USP10: variants seen among roughly 807,000 people sequenced by gnomAD.
USP10 encodes the protein ubiquitin carboxyl-terminal hydrolase 10.
Under a neutral mutation model 84.5 loss-of-function variants are expected in USP10, and 22 were observed. That is an observed-to-expected ratio of 0.26 (90% confidence interval 0.19 to 0.37). The LOEUF (loss-of-function observed/expected upper bound fraction) is 0.37. Ranked by LOEUF, USP10 falls within the 10% of genes least tolerant of loss-of-function variation. USP10 has a pLI of 1.00. For synonymous variants in USP10, 454 were observed against 387.6 expected (o/e 1.17, Z -2.01); for missense variants, 1,019 against 998.9 (o/e 1.02, Z -0.27).
chr16:84,730,260 G>A (rs1390104064), intron 1 of USP10, among the ~76,000 whole-genome samples: 1 of 151,762 alleles, frequency 6.6e-6, no homozygotes, highest in African/African-American at 2.4e-5. Flanking sequence ...TTATTATATA[G>A]CAACACAGAT....
At chr16:84,701,934 C>CTTTTT (rs749796171) in intron 1 of USP10, among the ~76,000 whole-genome samples, 2 of 92,702 alleles carry the variant, frequency 2.2e-5, no homozygotes, top group East Asian at 2.8e-4. Flanking sequence ...TAATTTTCTT[C>CTTTTT]TTCTTTTTTT....
intron 10 of USP10, among the ~76,000 whole-genome samples, chr16:84,766,640 A>C (rs547815228): frequency 6.6e-6 from 1 of 152,312 alleles, no homozygotes; most frequent in South Asian, 2.1e-4. Context: ...AGCATACTCA[A>C]AGATCCCAAA....
In USP10 at chr16:84,745,278, G is replaced by A. The variant is rs1363853120; in HGVS notation, c.797G>A (p.Arg266Lys). ...PAEAGRDTLS[R>K]TAGAQPCVGT... is the part of the protein sequence containing the mutation. ...GAGGCTGGCAGAGACACCCTGTCAA[G>A]GACAGCTGGGGCTCAGCCCTGCGTT... The change falls in exon 4 of 14, where the codon AGG (arginine) becomes AAG (lysine). Residue 266 changes from arginine (R) to lysine (K), a missense_variant. Transcript: ENST00000219473. 1.2e-6 allele frequency: 2 copies of A among 1,613,192 alleles called. No individual in the cohort carries two copies. Among genetic ancestry groups the A allele is most frequent in the African/African-American group, 1.3e-5 (1 of 74,920 alleles).
intron 1 of USP10, among the ~76,000 whole-genome samples, chr16:84,714,754 C>T (rs1597283159): frequency 1.3e-5 from 2 of 151,820 alleles, no homozygotes; most frequent in East Asian, 3.9e-4. Flanking sequence ...GTCCTTAATT[C>T]ATTGATTATT....
At chr16:84,725,712 G>A (rs561826097) in intron 1 of USP10, among the ~76,000 whole-genome samples, 1 of 152,202 alleles carries the variant, frequency 6.6e-6, no homozygotes, top group East Asian at 1.9e-4. Context: ...CCTGTCTGAC[G>A]ACATTTTCAA....
At chr16:84,766,476 C>G (rs1056910552) in intron 10 of USP10, among the ~76,000 whole-genome samples, 1 of 152,154 alleles carries the variant, frequency 6.6e-6, no homozygotes, top group Admixed American at 6.5e-5. Context: ...AAGGCTGTGC[C>G]CTTTGCTCCT....
chr16:84,701,500 CT>C lies in USP10; in HGVS notation c.21+1395del, dbSNP rs1169011779. ...GTTAAAAAAAAAGATTTGATATTTGCTTTTTTCTCAACTTAAATCCTAATTA... is the reference window on the plus strand; with the variant it reads ...GTTAAAAAAAAAGATTTGATATTTGCTTTTTCTCAACTTAAATCCTAATTA... On this transcript the variant is annotated intron_variant, in intron 1 of 13. Transcript: ENST00000219473. 2.0e-5 allele frequency among the ~76,000 whole-genome samples: 3 copies of C among 152,096 alleles called. No individual in the cohort carries two copies. The East Asian group carries it at 5.8e-4, about 29-fold the overall frequency.
In USP10 at chr16:84,779,116, G is replaced by T. The variant is rs117186215; in HGVS notation, c.*34G>T. 21 of 1,583,954 alleles carry T rather than the reference G, an allele frequency of 1.3e-5. No individual in the cohort carries two copies. The highest frequency in any genetic ancestry group is 1.7e-5 in the Non-Finnish European group (20 of 1,158,688). On this transcript the variant is annotated 3_prime_UTR_variant, in exon 14 of 14. Transcript: ENST00000219473. ...TGCGCTGTGTGTGCGCCCAGTGCCC[G>T]CTTCGTAGGACACCACCTCACACTC...
intron 3 of USP10, among the ~76,000 whole-genome samples, chr16:84,743,352 C>T (rs1016749145): frequency 1.6e-4 from 25 of 152,140 alleles, no homozygotes; most frequent in East Asian, 1.9e-4. Flanking sequence ...CTAAAGCATA[C>T]GAAGATTCAG....
At chr16:84,731,016 T>C (rs1241022665) in intron 1 of USP10, among the ~76,000 whole-genome samples, 7 of 147,122 alleles carry the variant, frequency 4.8e-5, no homozygotes, top group Non-Finnish European at 1.0e-4. Flanking sequence ...AATCTCTCTC[T>C]GTCAGCAGGC....
chr16:84,700,530 C>T (rs1229562376), intron 1 of USP10, among the ~76,000 whole-genome samples: 2 of 152,216 alleles, frequency 1.3e-5, no homozygotes, highest in East Asian at 3.9e-4. Flanking sequence ...GTTGCTGCCT[C>T]TGCCTGGAGC....
At chr16:84,729,630 C>T (rs1420730400) in intron 1 of USP10, among the ~76,000 whole-genome samples, 1 of 152,226 alleles carries the variant, frequency 6.6e-6, no homozygotes, top group Non-Finnish European at 1.5e-5. Flanking sequence ...GCACTGACTT[C>T]TTAGCCCGTT....
rs7206900 is a variant in USP10, at chr16:84,756,080, C to G, written c.1193-2636C>G. On this transcript the variant is annotated intron_variant, in intron 4 of 13. Transcript: ENST00000219473. Reference sequence around the variant, plus strand: ...GCAGCCCTTGGATTGGGCTAAGCATCCTTCCCCACCCCCCGCCCCCCATCT... The same window carrying G: ...GCAGCCCTTGGATTGGGCTAAGCATGCTTCCCCACCCCCCGCCCCCCATCT... Among the ~76,000 whole-genome samples, 156 of 151,390 alleles carry G rather than the reference C, an allele frequency of 1.0e-3. 1 individual carries two copies. Among genetic ancestry groups the G allele is most frequent in the African/African-American group, 3.6e-3 (150 of 41,312 alleles).
rs567414853 is a variant in USP10 at position 84,766,648 on chromosome 16, A to C, written c.1833-1545A>C. On this transcript the variant is annotated intron_variant, in intron 10 of 13. Coordinates refer to ENST00000219473, the MANE Select transcript of USP10 (RefSeq NM_005153.3). ...GAGGGTCAGCATACTCAAAGATCCC[A>C]AATTTGTCTAAGAGTAACCAGTGGA... 5.9e-5 allele frequency among the ~76,000 whole-genome samples: 9 copies of C among 152,320 alleles called. No individual in the cohort carries two copies. In the South Asian group the frequency reaches 1.9e-3, roughly 32 times the overall value.
At chr16:84,746,934 A>G (rs754093408) in intron 4 of USP10, among the ~76,000 whole-genome samples, 2 of 152,216 alleles carry the variant, frequency 1.3e-5, no homozygotes, top group African/African-American at 4.8e-5. Context: ...TTACTTTCCT[A>G]TAAGCTTTTT....
In USP10 at chr16:84,739,171, G is replaced by T. The variant is rs950524612; in HGVS notation, c.91-1138G>T. On this transcript the variant is annotated intron_variant, in intron 2 of 13. Coordinates refer to ENST00000219473, the MANE Select transcript of USP10 (RefSeq NM_005153.3). ...CCTCCCGGGTTCACGCCATTCTCCT[G>T]CCTCAGCCTCCTGAGTAGCTGGGAC... Among the ~76,000 whole-genome samples the T allele has an allele frequency of 2.0e-5, 3 of 150,986 alleles. No homozygotes were observed. In the East Asian group the frequency reaches 5.8e-4, roughly 29 times the overall value.
intron 4 of USP10, among the ~76,000 whole-genome samples, chr16:84,752,127 A>G (rs1286241011): frequency 2.0e-5 from 3 of 152,248 alleles, no homozygotes; most frequent in Admixed American, 6.5e-5. Context: ...GAGTTATTAC[A>G]AAAGTGAACT....
intron 4 of USP10, among the ~76,000 whole-genome samples, chr16:84,756,075 A>G (rs1252478039): frequency 6.0e-5 from 9 of 151,144 alleles, no homozygotes; most frequent in Non-Finnish European, 1.5e-5. Context: ...GATTGGGCTA[A>G]GCATCCTTCC....
intron 1 of USP10, among the ~76,000 whole-genome samples, chr16:84,714,538 G>GT (rs374263423): frequency 1.1e-3 from 154 of 143,444 alleles, no homozygotes; most frequent in Admixed American, 3.1e-3. Flanking sequence ...CTTTGCGATT[G>GT]TTTTTTTTTT....
Sources: allele counts gnomAD v4.1 joint callset (sites outside exome capture counted in the v4.1 genomes callset), GRCh38; gene constraint gnomAD v4.1.1; transcripts MANE v1.5; gene names NCBI Gene and HGNC (gene_info 2026-07-23, HGNC 2026-07-21).